Variants in CFAP20DC observed in about 807,000 individuals in gnomAD.
CFAP20DC encodes the protein protein CFAP20DC.
CFAP20DC carries 84 observed loss-of-function variants against 101.7 expected under a neutral mutation model. That is an observed-to-expected ratio of 0.83 (90% confidence interval 0.69 to 0.99). The LOEUF (loss-of-function observed/expected upper bound fraction) is 0.99, where lower values mean the gene tolerates loss of function less well. Ranked by LOEUF, CFAP20DC falls within the 50% of genes least tolerant of loss-of-function variation. CFAP20DC has a pLI of 0.00. For synonymous variants in CFAP20DC, 359 were observed against 351.2 expected, an observed-to-expected ratio of 1.02 and a Z score of -0.25; for missense variants, 1,007 against 970.3, an observed-to-expected ratio of 1.04 and a Z score of -0.50.
chr3:58,848,449 T>C (rs2077920943), intron 13 of CFAP20DC, among the ~76,000 whole-genome samples: 1 of 152,166 alleles, frequency 6.6e-6, no homozygotes, highest in African/African-American at 2.4e-5. Context: ...CTCTAGTTTC[T>C]AAGTGCAGCT....
At chr3:58,823,406 G>C (rs947786176) in intron 14 of CFAP20DC, among the ~76,000 whole-genome samples, 2 of 152,254 alleles carry the variant, frequency 1.3e-5, no homozygotes, top group African/African-American at 4.8e-5. Flanking sequence ...TAGATGCAAA[G>C]GGATGACAAC....
At chr3:58,739,013 G>T (rs9859754), downstream of CFAP20DC, among the ~76,000 whole-genome samples, 2 of 151,986 alleles carry the variant, frequency 1.3e-5, no homozygotes, top group African/African-American at 2.4e-5. Context: ...CACAGTTTGC[G>T]CCTAAAGAAG....
rs777496449 is a variant in CFAP20DC at position 58,884,676 on chromosome 3, G to A, written c.584C>T (p.Pro195Leu). Residue 195 changes from proline (P) to leucine (L), a missense_variant, in exon 7 of 17, where the codon CCT becomes CTT. By Grantham distance (98) the Pro-to-Leu change is moderately conservative. Coordinates refer to ENST00000482387, the MANE Select transcript of CFAP20DC (RefSeq NM_001394063.1). ...ACAGCTTCGTGGTATAATATCTGTA[G>A]GCTCATCTGTTGAAAAGGGAACACC... is the stretch of plus-strand genomic sequence containing the variant. ...VYGVPFSTDEPTDIIPRSCQL... is the reference protein window; with the variant it reads ...VYGVPFSTDELTDIIPRSCQL... 4 of 1,613,610 alleles carry A rather than the reference G, an allele frequency of 2.5e-6. No individual in the cohort carries two copies. The Admixed American group carries it at 6.7e-5, about 27-fold the overall frequency.
intron 15 of CFAP20DC, among the ~76,000 whole-genome samples, chr3:58,785,089 T>C (rs527801585): frequency 6.6e-6 from 1 of 152,200 alleles, no homozygotes; most frequent in Admixed American, 6.6e-5. Flanking sequence ...CAATATACTA[T>C]TGTTCTCTTT....
rs2093459562 is a variant in CFAP20DC, at chr3:59,007,266, C to A, written c.278+32291G>T. On this transcript the variant is annotated intron_variant, in intron 4 of 16. Coordinates refer to ENST00000482387, the MANE Select transcript of CFAP20DC (RefSeq NM_001394063.1). This position sits in a 1 kb window ranked among gnomAD's most constrained non-coding sequence, Gnocchi z 4.4. ...GGTACTCCTCTACCCGCCCTGGTAG[C>A]TGAACACAAAAGACATAAACTCTTG... Among the ~76,000 whole-genome samples, 1 of 152,170 alleles carries A rather than the reference C, an allele frequency of 6.6e-6. No homozygotes were observed. The highest frequency in any genetic ancestry group is 2.1e-4 in the South Asian group (1 of 4,832).
chr3:58,867,199 G>T (rs1241469541), intron 10 of CFAP20DC, among the ~76,000 whole-genome samples: 1 of 152,128 alleles, frequency 6.6e-6, no homozygotes, highest in Non-Finnish European at 1.5e-5. Context: ...TTACATTTTT[G>T]AGAAATTAGG....
At chr3:58,959,253 C>T (rs1247917928) in intron 4 of CFAP20DC, among the ~76,000 whole-genome samples, 2 of 152,140 alleles carry the variant, frequency 1.3e-5, no homozygotes, top group African/African-American at 2.4e-5. Context: ...TGCCACCATG[C>T]CCGGCTAATT....
rs115985865 is a variant in CFAP20DC at position 58,886,134 on chromosome 3, A to G, written c.551-1425T>C. ...GTGTACCAAAGTCTTAAAAATGTTC[A>G]TACCATTTTACTCAGTAATTTCATT... On this transcript the variant is annotated intron_variant, in intron 6 of 16. Coordinates refer to ENST00000482387, the MANE Select transcript of CFAP20DC (RefSeq NM_001394063.1). 4.5e-3 allele frequency among the ~76,000 whole-genome samples: 681 copies of G among 152,300 alleles called. 5 individuals are homozygous for G. The highest frequency in any genetic ancestry group is 0.016 in the African/African-American group (666 of 41,572).
chr3:58,832,384 C>T (rs950924988), intron 13 of CFAP20DC, among the ~76,000 whole-genome samples: 1 of 152,168 alleles, frequency 6.6e-6, no homozygotes, highest in Non-Finnish European at 1.5e-5. Flanking sequence ...GTTTTGCTCT[C>T]ACTGCCTTTC....
chr3:59,014,483 C>A lies in CFAP20DC; in HGVS notation c.278+25074G>T, dbSNP rs2093650027. On this transcript the variant is annotated intron_variant, in intron 4 of 16. Coordinates refer to ENST00000482387, the MANE Select transcript of CFAP20DC (RefSeq NM_001394063.1). This position sits in a 1 kb window ranked among gnomAD's most constrained non-coding sequence, Gnocchi z 4.9. ...GTTGTCAATTCATAGGGATATCAAG[C>A]TCAGACTCACAAGTAAAAAGAGGGT... Among the ~76,000 whole-genome samples the A allele has an allele frequency of 6.6e-6, 1 of 152,124 alleles. No homozygotes were observed. Among genetic ancestry groups the A allele is most frequent in the Admixed American group, 6.6e-5 (1 of 15,260 alleles).
Position 58,742,448 on chromosome 3 carries a change from C to A in CFAP20DC, c.*12G>T. On this transcript the variant is annotated 3_prime_UTR_variant, in exon 17 of 17. Coordinates refer to ENST00000482387, the MANE Select transcript of CFAP20DC (RefSeq NM_001394063.1). ...AGCTGGGAGTGCCTGCTCTCTGCCC[C>A]GGAAGGAGGCATTATACCAACTCAT... 1.3e-6 allele frequency: 2 copies of A among 1,585,140 alleles called. No homozygotes were observed. The highest frequency in any genetic ancestry group is 2.7e-5 in the African/African-American group (2 of 74,040).
chr3:58,849,663 CAA>C (rs1404464308), intron 12 of CFAP20DC, among the ~76,000 whole-genome samples: 1 of 152,182 alleles, frequency 6.6e-6, no homozygotes, highest in East Asian at 1.9e-4. Context: ...TCATGAAAAA[CAA>C]GAGAACATTT....
chr3:58,934,201 A>C (rs1391574367), intron 5 of CFAP20DC, among the ~76,000 whole-genome samples: 1 of 152,118 alleles, frequency 6.6e-6, no homozygotes, highest in African/African-American at 2.4e-5. Flanking sequence ...CGACACATAC[A>C]CCCTCCCAAG....
chr3:58,929,783 C>T (rs1304922996), intron 5 of CFAP20DC, among the ~76,000 whole-genome samples: 1 of 152,206 alleles, frequency 6.6e-6, no homozygotes, highest in Non-Finnish European at 1.5e-5. Flanking sequence ...TCCATGCTGC[C>T]ACTTTCCATT....
intron 12 of CFAP20DC, among the ~76,000 whole-genome samples, chr3:58,860,425 G>C (rs940879169): frequency 2.0e-5 from 3 of 152,146 alleles, no homozygotes; most frequent in Admixed American, 6.5e-5. Context: ...AGAGTTAGAA[G>C]GAGAGAAGAT....
At chr3:58,785,071 T>C (rs1278122012) in intron 15 of CFAP20DC, among the ~76,000 whole-genome samples, 16 of 152,064 alleles carry the variant, frequency 1.1e-4, no homozygotes, top group Admixed American at 5.2e-4. Flanking sequence ...AAATATGGTA[T>C]ACATACACAA....
intron 6 of CFAP20DC, among the ~76,000 whole-genome samples, chr3:58,902,618 G>A (rs2083245595): frequency 6.6e-6 from 1 of 152,120 alleles, no homozygotes; most frequent in Non-Finnish European, 1.5e-5. Flanking sequence ...TTTAAATTGA[G>A]TTGTTTGTCT....
chr3:58,791,836 T>C (rs550033723), intron 15 of CFAP20DC, among the ~76,000 whole-genome samples: 1 of 152,252 alleles, frequency 6.6e-6, no homozygotes, highest in South Asian at 2.1e-4. Flanking sequence ...GAAAAGATAA[T>C]CTGGAAGGTT....
intron 4 of CFAP20DC, among the ~76,000 whole-genome samples, chr3:59,011,080 G>A (rs1266645761): frequency 2.0e-5 from 3 of 152,228 alleles, no homozygotes; most frequent in South Asian, 2.1e-4. Flanking sequence ...AGAAAAGTTC[G>A]CAGCATTAAA....
Sources: gnomAD v4.1 joint callset for allele counts (sites outside exome capture counted in the v4.1 genomes callset) on GRCh38, gnomAD v4.1.1 for gene constraint, Gnocchi (gnomAD v3.1) non-coding constraint, MANE v1.5 for transcripts, NCBI Gene and HGNC (gene_info 2026-07-23, HGNC 2026-07-21) for gene names.